The following CAST variants were observed in gnomAD, a reference collection of about 807,000 sequenced individuals.
The protein encoded by CAST is calpastatin.
A neutral mutation model predicts 119.6 loss-of-function variants in CAST; 76 were observed. That is an observed-to-expected ratio of 0.64 (90% CI 0.53 to 0.77). CAST has a LOEUF of 0.77. Among genes scored for constraint, CAST ranks in the 30% least tolerant of loss-of-function variants. The pLI is 0.00. For missense variants in CAST, 953 were observed against 946.5 expected, an observed-to-expected ratio of 1.01 and a Z score of -0.09; for synonymous variants, 319 against 331.6, an observed-to-expected ratio of 0.96 and a Z score of 0.41.
the CAST span, among the ~76,000 whole-genome samples, chr5:96,483,901 T>C: frequency 6.6e-6 from 1 of 152,172 alleles, no homozygotes; most frequent in Non-Finnish European, 1.5e-5. Flanking sequence ...ACCCTAATCC[T>C]ATGTTTCAAG....
At chr5:96,556,853 A>C (rs1376179631) in intron 1 of CAST, among the ~76,000 whole-genome samples, 1 of 152,226 alleles carries the variant, frequency 6.6e-6, no homozygotes, top group African/African-American at 2.4e-5. Context: ...CAGGAAATAC[A>C]GAGAATGCCA....
chr5:96,157,055 T>C, the CAST span, among the ~76,000 whole-genome samples: 1 of 152,276 alleles, frequency 6.6e-6, no homozygotes, highest in East Asian at 1.9e-4. Flanking sequence ...TGAATTGTTT[T>C]TTAAATAGTT....
At chr5:96,433,163 T>G in the CAST span, 2 of 959,184 alleles carry the variant, frequency 2.1e-6, no homozygotes, top group East Asian at 2.5e-5. Flanking sequence ...TGGCTCCTGG[T>G]TGCTCTGCGA....
intron 3 of CAST, among the ~76,000 whole-genome samples, chr5:96,720,090 C>T (rs969335517): frequency 6.6e-6 from 1 of 152,190 alleles, no homozygotes; most frequent in Non-Finnish European, 1.5e-5. Flanking sequence ...GACATGCCTA[C>T]TGGTTTTACC....
the CAST span, among the ~76,000 whole-genome samples, chr5:96,360,617 G>C: frequency 6.6e-6 from 1 of 152,160 alleles, no homozygotes; most frequent in Non-Finnish European, 1.5e-5. Context: ...CAGTTTGCTG[G>C]ATGTCCATTC....
chr5:96,651,709 T>G (rs1407823098), intron 1 of CAST, among the ~76,000 whole-genome samples: 1 of 152,228 alleles, frequency 6.6e-6, no homozygotes, highest in Non-Finnish European at 1.5e-5. Flanking sequence ...CTTCTGTCCG[T>G]ATCTCCCCAG....
At chr5:96,507,727 G>A in the CAST span, among the ~76,000 whole-genome samples, 43,642 of 151,926 alleles carry the variant, frequency 0.29, 7,145 homozygotes, top group Middle Eastern at 0.39. Context: ...GGATGCAAAG[G>A]TTATTGTCAA....
chr5:96,607,879 G>C (rs1207561125), intron 1 of CAST, among the ~76,000 whole-genome samples: 2 of 152,146 alleles, frequency 1.3e-5, no homozygotes, highest in Admixed American at 1.3e-4. Context: ...CATTGTGATG[G>C]CTCAGTATAC....
chr5:96,742,414 T>C (rs1273300577), intron 15 of CAST: 1 of 474,032 alleles, frequency 2.1e-6, no homozygotes. Context: ...AAATAAGGGG[T>C]GAAGTGTGCC....
the CAST span, among the ~76,000 whole-genome samples, chr5:96,492,655 C>A: frequency 2.0e-5 from 3 of 152,186 alleles, no homozygotes; most frequent in African/African-American, 7.2e-5. Context: ...TTGATCAAGA[C>A]ACCTACCAGC....
intron 20 of CAST, 123 bp downstream of exon 20, chr5:96,750,805 A>G: frequency 5.4e-6 from 3 of 552,420 alleles, no homozygotes; most frequent in South Asian, 4.8e-5. Flanking sequence ...AAAATCTGAT[A>G]TCATTATAGT....
the CAST span, among the ~76,000 whole-genome samples, chr5:96,100,343 A>C: frequency 6.6e-6 from 1 of 152,136 alleles, no homozygotes; most frequent in South Asian, 2.1e-4. Context: ...CTGACATGCT[A>C]GCTTCTGCCT....
intron 1 of CAST, among the ~76,000 whole-genome samples, chr5:96,533,533 C>T (rs1480222427): frequency 6.6e-6 from 1 of 152,084 alleles, no homozygotes; most frequent in Non-Finnish European, 1.5e-5. Flanking sequence ...TCGAGATTCG[C>T]ACTGATGGAG....
the CAST span, among the ~76,000 whole-genome samples, chr5:96,078,273 T>G: frequency 6.6e-6 from 1 of 152,100 alleles, no homozygotes; most frequent in South Asian, 2.1e-4. Context: ...ACACAAACAT[T>G]TAGTTCTTAA....
the CAST span, among the ~76,000 whole-genome samples, chr5:96,079,599 T>G: frequency 4.6e-5 from 7 of 152,168 alleles, no homozygotes; most frequent in Middle Eastern, 3.2e-3. Context: ...ATGAATTTCC[T>G]TCTCATTTCA....
At chr5:96,413,800 C>CA in the CAST span, among the ~76,000 whole-genome samples, 80 of 105,688 alleles carry the variant, frequency 7.6e-4, 1 homozygote, top group East Asian at 0.017. Context: ...GACTCTGTCT[C>CA]AAAAAAAAAA....
At chr5:96,750,310 T>C (rs1307687412) in intron 19 of CAST, among the ~76,000 whole-genome samples, 2 of 152,206 alleles carry the variant, frequency 1.3e-5, no homozygotes, top group South Asian at 2.1e-4. Context: ...CCTTCAGATG[T>C]GGATACTGTC....
At chr5:96,445,907 G>T in the CAST span, among the ~76,000 whole-genome samples, 3 of 152,166 alleles carry the variant, frequency 2.0e-5, no homozygotes, top group African/African-American at 7.2e-5. Flanking sequence ...GGAGTGCAGT[G>T]GCAGATCTGG....
chr5:96,634,683 A>G (rs570087977), intron 1 of CAST, among the ~76,000 whole-genome samples: 1 of 152,356 alleles, frequency 6.6e-6, no homozygotes, highest in South Asian at 2.1e-4. Context: ...GTTGTGCCCA[A>G]CACAGTTTGC....
Sources: allele counts gnomAD v4.1 joint callset (sites outside exome capture counted in the v4.1 genomes callset), GRCh38; gene constraint gnomAD v4.1.1; transcripts MANE v1.5; gene names NCBI Gene and HGNC (gene_info 2026-07-23, HGNC 2026-07-21).